CALD1: variants seen among roughly 807,000 people sequenced by gnomAD.
CALD1 encodes caldesmon.
CALD1 carries 33 observed loss-of-function variants against 99.9 expected under a neutral mutation model. The observed-to-expected ratio is 0.33, with a 90% CI of 0.25 to 0.44. The LOEUF (loss-of-function observed/expected upper bound fraction) is 0.44, where lower values mean the gene tolerates loss of function less well. Among genes scored for constraint, CALD1 ranks in the 20% least tolerant of loss-of-function variants. CALD1 has a pLI of 1.00. For synonymous variants in CALD1, 310 were observed against 325.0 expected (o/e 0.95, Z 0.50); for missense variants, 861 against 962.1 (o/e 0.89, Z 1.39).
chr7:134,767,662 G>T (rs1796839429), intron 1 of CALD1, among the ~76,000 whole-genome samples: 1 of 152,220 alleles, frequency 6.6e-6, no homozygotes, highest in African/African-American at 2.4e-5. Context: ...AGCATGAACG[G>T]GAAGAGGAAA....
intron 1 of CALD1, among the ~76,000 whole-genome samples, chr7:134,786,076 G>C (rs942114440): frequency 3.7e-4 from 57 of 152,118 alleles, no homozygotes; most frequent in African/African-American, 1.2e-3. Flanking sequence ...TTGTGGAAGA[G>C]AAGGGCCATA....
intron 3 of CALD1, among the ~76,000 whole-genome samples, chr7:134,905,360 A>G (rs79760732): frequency 2.6e-5 from 4 of 152,162 alleles, no homozygotes; most frequent in South Asian, 2.1e-4. Flanking sequence ...CAACTCCACT[A>G]TGACTTCCGT....
At chr7:134,864,649 C>T (rs1421866832) in intron 2 of CALD1, among the ~76,000 whole-genome samples, 3 of 152,188 alleles carry the variant, frequency 2.0e-5, no homozygotes, top group African/African-American at 7.2e-5. Context: ...ATCCACCCAC[C>T]TTGGCCTCCC....
chr7:134,737,330 A>G, the CALD1 span, among the ~76,000 whole-genome samples: 1 of 151,816 alleles, frequency 6.6e-6, no homozygotes, highest in Admixed American at 6.6e-5. Flanking sequence ...GGTTTTGCCA[A>G]CTTTCCCAGG....
At position 134,900,889 on chromosome 7, in the gene CALD1, C is replaced by T. The variant is rs532890398; in HGVS notation, c.72-27865C>T. Reference sequence around the variant, plus strand: ...TATCTTCTGCCAACAAACTGATAGACGCCAGGGTGAAATCAGCGGAATTCA... The same window carrying T: ...TATCTTCTGCCAACAAACTGATAGATGCCAGGGTGAAATCAGCGGAATTCA... On this transcript the variant is annotated intron_variant, in intron 3 of 14. Coordinates refer to ENST00000361675, the MANE Select transcript of CALD1 (RefSeq NM_033138.4). Among the ~76,000 whole-genome samples, 5 of 152,104 alleles carry T rather than the reference C, an allele frequency of 3.3e-5. No homozygotes were observed. In the South Asian group the frequency reaches 6.2e-4, roughly 19 times the overall value.
At chr7:134,770,755 C>T (rs1427629584) in intron 1 of CALD1, among the ~76,000 whole-genome samples, 1 of 152,172 alleles carries the variant, frequency 6.6e-6, no homozygotes, top group African/African-American at 2.4e-5. Flanking sequence ...GCTCAACCCA[C>T]TGCATGGGGG....
intron 11 of CALD1, among the ~76,000 whole-genome samples, chr7:134,958,872 A>AATATACAT (rs1441352267): frequency 8.0e-6 from 1 of 124,864 alleles, no homozygotes; most frequent in Non-Finnish European, 1.6e-5. Flanking sequence ...CTGGTATTTA[A>AATATACAT]ATATATATAT....
At chr7:134,827,629 C>T (rs1259738498) in intron 1 of CALD1, among the ~76,000 whole-genome samples, 3 of 152,214 alleles carry the variant, frequency 2.0e-5, no homozygotes, top group Non-Finnish European at 4.4e-5. Context: ...GGCAATGGCC[C>T]AGGCACAGGA....
At chr7:134,864,174 C>A (rs547845629) in intron 2 of CALD1, among the ~76,000 whole-genome samples, 1 of 152,128 alleles carries the variant, frequency 6.6e-6, no homozygotes, top group Non-Finnish European at 1.5e-5. Context: ...CACGGTGAAA[C>A]CCCGTCTCTA....
intron 1 of CALD1, among the ~76,000 whole-genome samples, chr7:134,805,474 A>G (rs974387029): frequency 2.0e-5 from 3 of 152,060 alleles, no homozygotes; most frequent in Non-Finnish European, 4.4e-5. Flanking sequence ...TAGATACAGT[A>G]GTTCTCTATG....
the CALD1 span, among the ~76,000 whole-genome samples, chr7:134,720,248 T>C: frequency 6.6e-6 from 1 of 151,828 alleles, no homozygotes; most frequent in African/African-American, 2.4e-5. Flanking sequence ...GTTTCTCTTC[T>C]TCAAGGAGCT....
At chr7:134,790,370 A>T (rs1194986341) in intron 1 of CALD1, among the ~76,000 whole-genome samples, 1 of 152,152 alleles carries the variant, frequency 6.6e-6, no homozygotes, top group African/African-American at 2.4e-5. Context: ...TAAATCAAAT[A>T]ACTTGCCCAA....
intron 3 of CALD1, among the ~76,000 whole-genome samples, chr7:134,890,165 C>T (rs111262866): frequency 5.9e-5 from 9 of 152,136 alleles, no homozygotes; most frequent in African/African-American, 1.9e-4. Flanking sequence ...TCAGCCTCCC[C>T]GAGTGCTGGG....
intron 3 of CALD1, among the ~76,000 whole-genome samples, chr7:134,898,770 G>T (rs1288662077): frequency 6.6e-6 from 1 of 152,104 alleles, no homozygotes; most frequent in East Asian, 1.9e-4. Flanking sequence ...GGCCAGGCTG[G>T]TCTCGAACTC....
At chr7:134,940,713 C>T (rs905105887) in intron 6 of CALD1, among the ~76,000 whole-genome samples, 3 of 152,304 alleles carry the variant, frequency 2.0e-5, no homozygotes, top group Admixed American at 1.3e-4. Flanking sequence ...GTCTAAGCAA[C>T]GTGGTCATTC....
At chr7:134,731,574 C>T in the CALD1 span, among the ~76,000 whole-genome samples, 2 of 152,186 alleles carry the variant, frequency 1.3e-5, no homozygotes, top group Non-Finnish European at 2.9e-5. Flanking sequence ...AACCATGTCC[C>T]GCTATGAAAT....
intron 9 of CALD1, among the ~76,000 whole-genome samples, chr7:134,955,226 C>A (rs1260320534): frequency 6.6e-6 from 1 of 152,088 alleles, no homozygotes; most frequent in Non-Finnish European, 1.5e-5. Flanking sequence ...CCCATCTCTA[C>A]TGAAAATACA....
At chr7:134,728,417 G>A in the CALD1 span, among the ~76,000 whole-genome samples, 2 of 152,270 alleles carry the variant, frequency 1.3e-5, no homozygotes, top group Admixed American at 6.5e-5. Flanking sequence ...ACAGCTCAGC[G>A]TTTGCCTTAT....
intron 1 of CALD1, among the ~76,000 whole-genome samples, chr7:134,816,571 A>G (rs1018225907): frequency 7.2e-5 from 11 of 152,222 alleles, no homozygotes; most frequent in African/African-American, 2.2e-4. Context: ...AGCCAATTTA[A>G]GCAATCAGTA....
Sources: allele counts gnomAD v4.1 joint callset (sites outside exome capture counted in the v4.1 genomes callset), GRCh38; gene constraint gnomAD v4.1.1; transcripts MANE v1.5; gene names NCBI Gene and HGNC (gene_info 2026-07-23, HGNC 2026-07-21).